NHLRC2: variants seen among roughly 807,000 people sequenced by gnomAD.
The protein encoded by NHLRC2 is NHL repeat-containing protein 2.
In NHLRC2, 33 loss-of-function variants were observed where a neutral mutation model predicts 68.1. The ratio of observed to expected loss-of-function variants is 0.48; its 90% CI spans 0.37 to 0.65. The LOEUF is 0.65. Ranked by LOEUF, NHLRC2 falls within the 30% of genes least tolerant of loss-of-function variation. NHLRC2 has a pLI of 0.00. For synonymous variants in NHLRC2, 311 were observed against 309.6 expected (o/e 1.00, Z -0.05); for missense variants, 761 against 853.8 (o/e 0.89, Z 1.35).
intron 2 of NHLRC2, among the ~76,000 whole-genome samples, chr10:113,871,353 A>G (rs2134699985): frequency 6.6e-6 from 1 of 152,178 alleles, no homozygotes; most frequent in South Asian, 2.1e-4. Flanking sequence ...ACTTAGTTTT[A>G]TAATTGAGTC....
chr10:113,902,753 T>G (rs544585717), intron 8 of NHLRC2, among the ~76,000 whole-genome samples, 160 bp downstream of exon 8: 2 of 152,352 alleles, frequency 1.3e-5, no homozygotes, highest in East Asian at 3.9e-4. Context: ...TTCTTGGTCC[T>G]TTCTTTGCCA....
At chr10:113,860,517 T>C (rs1277301057) in intron 2 of NHLRC2, among the ~76,000 whole-genome samples, 1 of 151,790 alleles carries the variant, frequency 6.6e-6, no homozygotes, top group Non-Finnish European at 1.5e-5. Flanking sequence ...AACAGGGAAG[T>C]ACAGCCCATT....
intron 5 of NHLRC2, among the ~76,000 whole-genome samples, chr10:113,895,547 T>A (rs977678338): frequency 6.6e-6 from 1 of 152,084 alleles, no homozygotes; most frequent in African/African-American, 2.4e-5. Flanking sequence ...GTAAGCTTTC[T>A]AGGATGAGAA....
rs1845724521 is a variant in NHLRC2 at position 113,854,791 on chromosome 10, A to G, written c.-82A>G. On this transcript the variant is annotated 5_prime_UTR_variant, in exon 1 of 11. Transcript: ENST00000369301. The stretch of plus-strand genomic sequence containing the variant: ...GGTGAGGTGAATGCGCCGTTTGGAA[A>G]CCACAGGACAGTGAACGTTTCGTCT... 2 of 1,225,114 alleles carry G rather than the reference A, an allele frequency of 1.6e-6. No individual in the cohort carries two copies. Among genetic ancestry groups the G allele is most frequent in the Non-Finnish European group, 2.2e-6 (2 of 898,960 alleles). The allele number at this position is 1,225,114 out of a possible 1,614,324, so 75.9% of individuals were successfully genotyped here. A position where few individuals can be genotyped will look rare whatever the true frequency, so the allele number is the denominator to read the frequency against.
In NHLRC2 at chr10:113,889,614, G is replaced by A. The variant is rs533516818; in HGVS notation, c.1039+5234G>A. Among the ~76,000 whole-genome samples the A allele has an allele frequency of 2.0e-5, 3 of 152,044 alleles. No individual in the cohort carries two copies. In the South Asian group the frequency reaches 6.2e-4, roughly 32 times the overall value. On this transcript the variant is annotated intron_variant, in intron 5 of 10. Transcript: ENST00000369301. ...TATACAGTAAAATTTACCCTTATTA[G>A]GTATATAATTCTATGAAATTTGACA... is the stretch of plus-strand genomic sequence containing the variant.
chr10:113,865,288 C>CA (rs576852554), intron 2 of NHLRC2, among the ~76,000 whole-genome samples: 1 of 141,500 alleles, frequency 7.1e-6, no homozygotes, highest in African/African-American at 2.6e-5. Context: ...TCATCCCCCC[C>CA]CCCCGTTCCT....
chr10:113,872,420 A>G (rs1336614878), intron 2 of NHLRC2, among the ~76,000 whole-genome samples: 1 of 152,174 alleles, frequency 6.6e-6, no homozygotes, highest in Non-Finnish European at 1.5e-5. Flanking sequence ...TCACATCTAT[A>G]TAAAAACTAC....
intron 5 of NHLRC2, among the ~76,000 whole-genome samples, chr10:113,892,273 TCTA>T (rs755644578): frequency 7.2e-5 from 11 of 152,216 alleles, no homozygotes; most frequent in African/African-American, 2.4e-5. Flanking sequence ...ATGTCTAATC[TCTA>T]CTGATAATTA....
At chr10:113,859,457 G>A (rs140346679) in intron 2 of NHLRC2, among the ~76,000 whole-genome samples, 3 of 152,096 alleles carry the variant, frequency 2.0e-5, no homozygotes, top group South Asian at 2.1e-4. Context: ...GACTATATAC[G>A]TGTGAAAGTA....
At chr10:113,894,251 A>G (rs1219983548) in intron 5 of NHLRC2, among the ~76,000 whole-genome samples, 1 of 152,198 alleles carries the variant, frequency 6.6e-6, no homozygotes, top group Non-Finnish European at 1.5e-5. Context: ...AGGTCCTAAC[A>G]TTGGCTGGAG....
chr10:113,908,616 C>A lies in NHLRC2; in HGVS notation c.*80C>A. The A allele has an allele frequency of 7.1e-7, 1 of 1,413,114 alleles. No individual in the cohort carries two copies. The highest frequency in any genetic ancestry group is 9.8e-7 in the Non-Finnish European group (1 of 1,020,674). The allele number at this position is 1,413,114 out of a possible 1,614,324, so 87.5% of individuals were successfully genotyped here. On this transcript the variant is annotated 3_prime_UTR_variant, in exon 11 of 11. Coordinates refer to ENST00000369301, the MANE Select transcript of NHLRC2 (RefSeq NM_198514.4). ...ATCACTGTAATTTAAGGAAAGAAAA[C>A]TTCAGTTCTGCCTCTGGATACCAAG...
chr10:113,859,381 C>T (rs775844978), intron 2 of NHLRC2, among the ~76,000 whole-genome samples: 3 of 151,890 alleles, frequency 2.0e-5, no homozygotes, highest in Non-Finnish European at 4.4e-5. Flanking sequence ...AATTGAAGCA[C>T]TAATCTTGGA....
At chr10:113,894,316 A>G (rs930757174) in intron 5 of NHLRC2, among the ~76,000 whole-genome samples, 5 of 152,186 alleles carry the variant, frequency 3.3e-5, no homozygotes, top group African/African-American at 1.2e-4. Context: ...ATTTCTCTCA[A>G]TAATGATTCT....
At chr10:113,901,614 T>C in intron 6 of NHLRC2, 52 bp from the exon 7 acceptor site, 1 of 1,127,724 alleles carries the variant, frequency 8.9e-7, no homozygotes, top group Non-Finnish European at 1.3e-6. Flanking sequence ...AAGAACTAAA[T>C]TGCACACAAT....
At chr10:113,867,435 A>G (rs181526117) in intron 2 of NHLRC2, among the ~76,000 whole-genome samples, 1 of 152,314 alleles carries the variant, frequency 6.6e-6, no homozygotes. Context: ...TGGCTTTCAA[A>G]TTTGCTTCTC....
chr10:113,901,621 CAA>C, intron 6 of NHLRC2, 43 bp from the exon 7 acceptor site: 1 of 1,218,104 alleles, frequency 8.2e-7, no homozygotes, highest in East Asian at 2.3e-5. Flanking sequence ...AAATTGCACA[CAA>C]TATACCACAT....
rs541119972 is a variant in NHLRC2 at position 113,905,794 on chromosome 10, C to A, written c.1924+758C>A. Among the ~76,000 whole-genome samples, 17 of 152,260 alleles carry A rather than the reference C, an allele frequency of 1.1e-4. 1 individual carries two copies. In the East Asian group the frequency reaches 2.9e-3, roughly 26 times the overall value. On this transcript the variant is annotated intron_variant, in intron 10 of 10. Transcript: ENST00000369301. ...CTTCTTACCTTCAACTTTCTCAGGG[C>A]AGCAGCCACTGGCCTGCAATTATAA...
At chr10:113,866,665 G>A (rs777488977) in intron 2 of NHLRC2, among the ~76,000 whole-genome samples, 17 of 151,740 alleles carry the variant, frequency 1.1e-4, no homozygotes, top group Non-Finnish European at 2.5e-4. Context: ...TAATTTTATA[G>A]TAAAATAAGC....
chr10:113,856,041 G>A (rs1053821169), intron 1 of NHLRC2, among the ~76,000 whole-genome samples: 1 of 152,166 alleles, frequency 6.6e-6, no homozygotes, highest in Admixed American at 6.5e-5. Context: ...TCCGTTCAAA[G>A]TCGTGAAACT....
Sources: allele counts gnomAD v4.1 joint callset (sites outside exome capture counted in the v4.1 genomes callset), GRCh38; gene constraint gnomAD v4.1.1; transcripts MANE v1.5; gene names NCBI Gene and HGNC (gene_info 2026-07-23, HGNC 2026-07-21).